Variants in CENPW observed in about 807,000 individuals in gnomAD.
CENPW encodes cancer-up-regulated gene 2 protein.
Under a neutral mutation model 11.1 loss-of-function variants are expected in CENPW, and 3 were observed. The observed-to-expected ratio is 0.27, with a 90% CI of 0.12 to 0.70. The LOEUF is 0.70. Ranked by LOEUF, CENPW falls within the 30% of genes least tolerant of loss-of-function variation. The pLI is 0.77. For missense variants in CENPW, 100 were observed against 105.6 expected, an observed-to-expected ratio of 0.95 and a Z score of 0.23; for synonymous variants, 38 against 42.0, an observed-to-expected ratio of 0.91 and a Z score of 0.37.
At chr6:126,355,629 G>C in the CENPW span, among the ~76,000 whole-genome samples, 1 of 152,238 alleles carries the variant, frequency 6.6e-6, no homozygotes, top group African/African-American at 2.4e-5. Flanking sequence ...AAAGGTAGAT[G>C]TGTTTCTTTA....
chr6:126,383,839 C>T, the CENPW span, among the ~76,000 whole-genome samples: 1 of 152,084 alleles, frequency 6.6e-6, no homozygotes, highest in Non-Finnish European at 1.5e-5. Flanking sequence ...GCTTTAACAA[C>T]CCACTGACAG....
At chr6:126,477,492 G>C in the CENPW span, among the ~76,000 whole-genome samples, 1 of 151,818 alleles carries the variant, frequency 6.6e-6, no homozygotes, top group African/African-American at 2.4e-5. Flanking sequence ...ATTTTTAAGA[G>C]ATCTCTGCCA....
At chr6:126,476,656 T>A in the CENPW span, among the ~76,000 whole-genome samples, 3 of 152,010 alleles carry the variant, frequency 2.0e-5, no homozygotes, top group Admixed American at 6.6e-5. Flanking sequence ...TTCCCATCTG[T>A]TTGCTAACTC....
At chr6:126,404,820 G>C in the CENPW span, among the ~76,000 whole-genome samples, 5 of 148,392 alleles carry the variant, frequency 3.4e-5, no homozygotes, top group Admixed American at 2.7e-4. Context: ...TGTATATTCA[G>C]CTCATTGACC....
the CENPW span, among the ~76,000 whole-genome samples, chr6:126,379,168 T>C: frequency 6.6e-6 from 1 of 152,158 alleles, no homozygotes; most frequent in Admixed American, 6.5e-5. Flanking sequence ...ACACCCACCT[T>C]GGACCAAGCC....
At chr6:126,405,427 GA>G in the CENPW span, among the ~76,000 whole-genome samples, 7 of 152,022 alleles carry the variant, frequency 4.6e-5, no homozygotes, top group African/African-American at 1.4e-4. Context: ...ATATTTTGAA[GA>G]CAGTAGTGTG....
chr6:126,400,136 T>G, the CENPW span, among the ~76,000 whole-genome samples: 1 of 152,082 alleles, frequency 6.6e-6, no homozygotes, highest in Non-Finnish European at 1.5e-5. Flanking sequence ...GGCAAATGCT[T>G]GCTTATACAT....
chr6:126,377,068 T>C, the CENPW span, among the ~76,000 whole-genome samples: 1 of 152,172 alleles, frequency 6.6e-6, no homozygotes, highest in African/African-American at 2.4e-5. Context: ...AGAGCTATGA[T>C]AAAAGAATGC....
At chr6:126,357,653 G>C in the CENPW span, among the ~76,000 whole-genome samples, 1 of 151,218 alleles carries the variant, frequency 6.6e-6, no homozygotes, top group African/African-American at 2.4e-5. Flanking sequence ...CTGTCGCCCA[G>C]CCTGTAGTGC....
At chr6:126,428,106 C>T in the CENPW span, among the ~76,000 whole-genome samples, 2 of 152,174 alleles carry the variant, frequency 1.3e-5, no homozygotes, top group Admixed American at 6.5e-5. Context: ...AAATCATGTT[C>T]TTCCAAAACT....
the CENPW span, among the ~76,000 whole-genome samples, chr6:126,381,123 C>A: frequency 1.3e-5 from 2 of 152,332 alleles, no homozygotes; most frequent in South Asian, 4.1e-4. Flanking sequence ...CAATTCTCCT[C>A]CACGGCCAAA....
the CENPW span, among the ~76,000 whole-genome samples, chr6:126,378,487 ATTAAC>A: frequency 2.6e-5 from 4 of 150,988 alleles, no homozygotes; most frequent in Non-Finnish European, 4.4e-5. Context: ...TTTAACTAAT[ATTAAC>A]TTCAATCAAT....
chr6:126,411,323 C>A, the CENPW span, among the ~76,000 whole-genome samples: 1 of 152,126 alleles, frequency 6.6e-6, no homozygotes, highest in Non-Finnish European at 1.5e-5. Flanking sequence ...TTTGTTAATG[C>A]CCTGGATGTC....
chr6:126,449,177 C>T, the CENPW span, among the ~76,000 whole-genome samples: 1 of 151,014 alleles, frequency 6.6e-6, no homozygotes, highest in Non-Finnish European at 1.5e-5. Context: ...AGAAATGAGA[C>T]CAAATATACT....
chr6:126,454,352 T>G, the CENPW span, among the ~76,000 whole-genome samples: 1 of 151,140 alleles, frequency 6.6e-6, no homozygotes, highest in African/African-American at 2.4e-5. Flanking sequence ...TCAAAAACAC[T>G]GAAATCATAC....
chr6:126,432,771 A>G, the CENPW span, among the ~76,000 whole-genome samples: 1 of 152,160 alleles, frequency 6.6e-6, no homozygotes, highest in Non-Finnish European at 1.5e-5. Flanking sequence ...ATCTGTCTGA[A>G]TCTGAGCTGT....
the CENPW span, among the ~76,000 whole-genome samples, chr6:126,395,230 C>T: frequency 8.5e-5 from 13 of 152,066 alleles, 1 homozygote; most frequent in Middle Eastern, 3.4e-3. Context: ...GTTCTTTTGT[C>T]TCTTGTCTAT....
chr6:126,457,765 T>C, the CENPW span, among the ~76,000 whole-genome samples: 11 of 151,342 alleles, frequency 7.3e-5, no homozygotes, highest in Non-Finnish European at 1.5e-4. Flanking sequence ...AAATGGCTTA[T>C]TGAAGACTCA....
At chr6:126,415,984 G>T in the CENPW span, among the ~76,000 whole-genome samples, 2 of 152,192 alleles carry the variant, frequency 1.3e-5, no homozygotes, top group African/African-American at 4.8e-5. Flanking sequence ...AACAGGCAGA[G>T]GTTGGAACAG....
Sources: gnomAD v4.1 joint callset for allele counts (sites outside exome capture counted in the v4.1 genomes callset) on GRCh38, gnomAD v4.1.1 for gene constraint, MANE v1.5 for transcripts, NCBI Gene and HGNC (gene_info 2026-07-23, HGNC 2026-07-21) for gene names.